NCOA2: variants seen among roughly 807,000 people sequenced by gnomAD.
The protein encoded by NCOA2 is nuclear receptor coactivator 2.
NCOA2 carries 21 observed loss-of-function variants against 145.1 expected under a neutral mutation model. That is an observed-to-expected ratio of 0.14 (90% CI 0.10 to 0.21). The LOEUF is 0.21. Ranked by LOEUF, NCOA2 falls within the 10% of genes least tolerant of loss-of-function variation. The pLI is 1.00. For synonymous variants in NCOA2, 619 were observed against 637.5 expected (o/e 0.97, Z 0.44); for missense variants, 1,472 against 1,837.6 (o/e 0.80, Z 3.64).
At chr8:70,219,253 T>C (rs1215366271) in intron 2 of NCOA2, among the ~76,000 whole-genome samples, 1 of 152,238 alleles carries the variant, frequency 6.6e-6, no homozygotes, top group Non-Finnish European at 1.5e-5. Flanking sequence ...ATTTGTAGAC[T>C]GAAAATATCA....
chr8:70,228,470 T>G (rs375251293), intron 2 of NCOA2, among the ~76,000 whole-genome samples: 1 of 152,194 alleles, frequency 6.6e-6, no homozygotes, highest in South Asian at 2.1e-4. Context: ...AGATGGAGAA[T>G]TATTACGCTT....
chr8:70,272,838 GATTT>G (rs984146101), intron 2 of NCOA2, among the ~76,000 whole-genome samples: 1 of 151,884 alleles, frequency 6.6e-6, no homozygotes, highest in South Asian at 2.1e-4. Flanking sequence ...AATATGTAGA[GATTT>G]ATTAAACACT....
chr8:70,142,378 T>G (rs1037618275), intron 13 of NCOA2, among the ~76,000 whole-genome samples: 2 of 152,134 alleles, frequency 1.3e-5, no homozygotes, highest in African/African-American at 4.8e-5. Context: ...CTGTGATGAT[T>G]AAGGGTGAAA....
chr8:70,191,283 A>T (rs1816645924), intron 4 of NCOA2, among the ~76,000 whole-genome samples: 2 of 152,256 alleles, frequency 1.3e-5, no homozygotes. Context: ...CAGAAATCAA[A>T]GATAAAACTT....
At chr8:70,208,940 T>A (rs1818743097) in intron 4 of NCOA2, among the ~76,000 whole-genome samples, 1 of 152,260 alleles carries the variant, frequency 6.6e-6, no homozygotes, top group Non-Finnish European at 1.5e-5. Context: ...CAAGGTGTAC[T>A]TAAGAAATAC....
intron 2 of NCOA2, among the ~76,000 whole-genome samples, chr8:70,262,158 A>G (rs1292847265): frequency 6.6e-6 from 1 of 152,184 alleles, no homozygotes; most frequent in Non-Finnish European, 1.5e-5. Flanking sequence ...GTGCTTATTA[A>G]GTGCTAAGCC....
the NCOA2 span, among the ~76,000 whole-genome samples, chr8:70,424,904 GA>G: frequency 6.6e-6 from 1 of 152,170 alleles, no homozygotes; most frequent in Middle Eastern, 3.2e-3. Flanking sequence ...AGGCAGCGTG[GA>G]TCATCATTTG....
At chr8:70,150,941 G>A (rs1183818999) in intron 11 of NCOA2, among the ~76,000 whole-genome samples, 2 of 152,054 alleles carry the variant, frequency 1.3e-5, no homozygotes, top group African/African-American at 4.8e-5. Context: ...CCTTACACTT[G>A]TCATGAAGAT....
intron 2 of NCOA2, among the ~76,000 whole-genome samples, chr8:70,286,309 A>T (rs1379138375): frequency 1.3e-5 from 2 of 152,160 alleles, no homozygotes; most frequent in Admixed American, 1.3e-4. Flanking sequence ...TCTGCCCAGG[A>T]GTTCAAGGTT....
At chr8:70,354,493 T>C (rs1289952425) in intron 1 of NCOA2, among the ~76,000 whole-genome samples, 1 of 152,214 alleles carries the variant, frequency 6.6e-6, no homozygotes, top group Admixed American at 6.5e-5. Flanking sequence ...CTAGAAAACA[T>C]ATGCTTTGAA....
intron 1 of NCOA2, among the ~76,000 whole-genome samples, chr8:70,334,127 C>G (rs1253550093): frequency 2.0e-5 from 3 of 152,210 alleles, no homozygotes; most frequent in Admixed American, 1.3e-4. Flanking sequence ...TGAACTCAAT[C>G]AAATTTTAAC....
At chr8:70,433,866 C>T in the NCOA2 span, among the ~76,000 whole-genome samples, 1 of 152,042 alleles carries the variant, frequency 6.6e-6, no homozygotes, top group Admixed American at 6.6e-5. Context: ...AAGGTCATTC[C>T]CTGTGGGATG....
the NCOA2 span, among the ~76,000 whole-genome samples, chr8:70,434,807 G>A: frequency 6.6e-6 from 1 of 152,070 alleles, no homozygotes; most frequent in African/African-American, 2.4e-5. Flanking sequence ...CTGGGTTCAA[G>A]CCATCCTCCC....
the NCOA2 span, among the ~76,000 whole-genome samples, chr8:70,426,209 C>A: frequency 6.6e-6 from 1 of 152,126 alleles, no homozygotes; most frequent in Non-Finnish European, 1.5e-5. Flanking sequence ...AACTGATAAT[C>A]TAAACTAATG....
At chr8:70,145,621 C>CTT (rs527848276) in intron 12 of NCOA2, among the ~76,000 whole-genome samples, 20 of 140,630 alleles carry the variant, frequency 1.4e-4, no homozygotes, top group South Asian at 6.9e-4. Flanking sequence ...GTGCCCAGCC[C>CTT]TTTTTTTTTT....
Position 70,131,778 on chromosome 8 carries a change from T to C in NCOA2, c.3324+59A>G, listed in dbSNP as rs1003045020. ...CCGTGGAGTACCTGTAAACAGAAAA[T>C]GGACACCTCTGCGCCCATGAGAGCG... On this transcript the variant is annotated intron_variant, in intron 16 of 22. Transcript: ENST00000452400. The C allele has an allele frequency of 4.0e-6, 6 of 1,507,294 alleles. No individual in the cohort carries two copies. The African/African-American group carries it at 7.0e-5, about 18-fold the overall frequency. The allele number at this position is 1,507,294 out of a possible 1,614,324, so 93.4% of individuals were successfully genotyped here.
intron 1 of NCOA2, among the ~76,000 whole-genome samples, chr8:70,397,732 GA>G (rs1813816462): frequency 6.6e-6 from 1 of 152,108 alleles, no homozygotes; most frequent in Non-Finnish European, 1.5e-5. Context: ...AAAACAAAAA[GA>G]ATTATAAATA....
At chr8:70,200,873 C>A (rs1817806488) in intron 4 of NCOA2, among the ~76,000 whole-genome samples, 1 of 151,800 alleles carries the variant, frequency 6.6e-6, no homozygotes, top group Non-Finnish European at 1.5e-5. Context: ...ACCTGTGCAA[C>A]ATAGCGAGAA....
intron 2 of NCOA2, among the ~76,000 whole-genome samples, chr8:70,248,935 T>C (rs1214409104): frequency 2.0e-5 from 3 of 151,976 alleles, no homozygotes; most frequent in Non-Finnish European, 4.4e-5. Flanking sequence ...CATTCTCCTA[T>C]TGGTAGACAT....
Sources: allele counts gnomAD v4.1 joint callset (sites outside exome capture counted in the v4.1 genomes callset), GRCh38; gene constraint gnomAD v4.1.1; transcripts MANE v1.5; gene names NCBI Gene and HGNC (gene_info 2026-07-23, HGNC 2026-07-21).